Variants in LRP2 observed in about 807,000 individuals in gnomAD.
LRP2 encodes low-density lipoprotein receptor-related protein 2.
In LRP2, 172 loss-of-function variants were observed where a neutral mutation model predicts 531.0. The ratio of observed to expected loss-of-function variants is 0.32; its 90% CI spans 0.29 to 0.37. The LOEUF is 0.37. LRP2 is among the 10% of genes least tolerant of loss of function. The pLI is 1.00. For synonymous variants in LRP2, 1,992 were observed against 2,027.6 expected (o/e 0.98, Z 0.47); for missense variants, 5,167 against 5,868.3 (o/e 0.88, Z 3.90).
chr2:169,298,343 A>G (rs1349113264), intron 4 of LRP2, among the ~76,000 whole-genome samples: 5 of 152,092 alleles, frequency 3.3e-5, no homozygotes, highest in Admixed American at 2.6e-4. Flanking sequence ...GATGACTCCC[A>G]TTTTATAGAG....
chr2:169,168,212 G>A (rs1025753599), intron 61 of LRP2, among the ~76,000 whole-genome samples: 2 of 151,198 alleles, frequency 1.3e-5, no homozygotes, highest in Non-Finnish European at 1.5e-5. Flanking sequence ...AGCAGGAGAG[G>A]TACAGCCTCC....
intron 31 of LRP2, among the ~76,000 whole-genome samples, chr2:169,230,983 T>C (rs1689376824): frequency 6.6e-6 from 1 of 152,104 alleles, no homozygotes; most frequent in Admixed American, 6.6e-5. Context: ...CATTAACTAT[T>C]GGTTATAAGA....
chr2:169,291,113 T>C, intron 7 of LRP2, 116 bp from the exon 8 acceptor site: 1 of 883,534 alleles, frequency 1.1e-6, no homozygotes, highest in Non-Finnish European at 1.8e-6. Context: ...CTATAAATGA[T>C]CTACATTTTA....
In LRP2 at chr2:169,362,466, G is replaced by A; in HGVS notation, c.-67C>T. 7.3e-7 allele frequency: 1 copy of A among 1,365,344 alleles called. No individual in the cohort carries two copies. Among genetic ancestry groups the A allele is most frequent in the Non-Finnish European group, 1.0e-6 (1 of 988,530 alleles). The allele number at this position is 1,365,344 out of a possible 1,614,324, so 84.6% of individuals were successfully genotyped here. ...GTGGGCGCGCGTAGCACACCGCACC[G>A]GCAGCGCCTCTGCTAGCGAACGCTC... On this transcript the variant is annotated 5_prime_UTR_variant, in exon 1 of 79. Transcript: ENST00000649046.
At chr2:169,308,464 C>T (rs1418544991) in intron 3 of LRP2, among the ~76,000 whole-genome samples, 1 of 152,170 alleles carries the variant, frequency 6.6e-6, no homozygotes, top group Non-Finnish European at 1.5e-5. Context: ...TGAGTGAGAA[C>T]ATGCGGTGTT....
At chr2:169,342,634 C>A (rs764330619) in intron 1 of LRP2, among the ~76,000 whole-genome samples, 4 of 152,186 alleles carry the variant, frequency 2.6e-5, no homozygotes, top group Admixed American at 6.5e-5. Flanking sequence ...GCAATCTGTG[C>A]GGTCTTCCTT....
At chr2:169,313,032 A>G (rs10177361) in intron 3 of LRP2, among the ~76,000 whole-genome samples, 64,256 of 151,966 alleles carry the variant, frequency 0.42, 14,501 homozygotes, top group African/African-American at 0.59. Flanking sequence ...CGTAGTTCTC[A>G]TGCCATGGTT....
chr2:169,356,453 A>G (rs1685989420), intron 1 of LRP2, among the ~76,000 whole-genome samples: 1 of 152,222 alleles, frequency 6.6e-6, no homozygotes, highest in Non-Finnish European at 1.5e-5. Flanking sequence ...TCTATATGAG[A>G]CTTCACAGTT....
chr2:169,310,094 A>C (rs549130174), intron 3 of LRP2, among the ~76,000 whole-genome samples: 48 of 152,350 alleles, frequency 3.2e-4, no homozygotes, highest in African/African-American at 9.9e-4. Flanking sequence ...ACTTTGCTGA[A>C]GTTGCTTATC....
At chr2:169,259,412 T>C (rs570898538) in intron 16 of LRP2, among the ~76,000 whole-genome samples, 195 bp from the exon 17 acceptor site, 1 of 149,506 alleles carries the variant, frequency 6.7e-6, no homozygotes, top group East Asian at 2.0e-4. Flanking sequence ...CTAGAATCTA[T>C]CCATTCCTCA....
rs1466300637 is a variant in LRP2, at chr2:169,193,810, A to C, written c.8781T>G (p.Gly2927=). The C allele has an allele frequency of 1.2e-6, 2 of 1,614,012 alleles. No homozygotes were observed. The highest frequency in any genetic ancestry group is 1.3e-5 in the African/African-American group (1 of 74,896). The change falls in exon 47 of 79, where the codon GGT becomes GGG. Residue 2927 remains glycine, a synonymous_variant. Transcript: ENST00000649046. ...CACTCATATCCCCACAGTCATTATCACCGTCACAGATCCATTCGCTTGGGA... is the reference window on the plus strand; with the variant it reads ...CACTCATATCCCCACAGTCATTATCCCCGTCACAGATCCATTCGCTTGGGA... The part of the protein sequence containing the change: ...RCIPSEWICD[G]DNDCGDMSDE...
Position 169,172,026 on chromosome 2 carries a change from T to C in LRP2, c.11252A>G (p.Glu3751Gly). 1 of 1,614,148 alleles carries C rather than the reference T, an allele frequency of 6.2e-7. No homozygotes were observed. The highest frequency in any genetic ancestry group is 8.5e-7 in the Non-Finnish European group (1 of 1,180,020). The change falls in exon 58 of 79, where the codon GAG becomes GGG. Residue 3751 changes from glutamate (E) to glycine (G), a missense_variant. Glu to Gly is a moderately conservative substitution (Grantham distance 98). Coordinates refer to ENST00000649046, the MANE Select transcript of LRP2 (RefSeq NM_004525.3). The stretch of plus-strand genomic sequence containing the variant: ...CTGTGAACACTCACCACAGTTTTCC[T>C]CATCTGAGTTATCTCCACAGTCATT... Reference protein sequence around the residue: ...GQNDCGDNSDEENCAPRECTE... With the variant: ...GQNDCGDNSDGENCAPRECTE...
intron 1 of LRP2, among the ~76,000 whole-genome samples, chr2:169,337,791 A>G (rs1685445570): frequency 6.6e-6 from 1 of 152,154 alleles, no homozygotes; most frequent in African/African-American, 2.4e-5. Context: ...ACAGCCCAAT[A>G]TTACCAGGCT....
At chr2:169,271,355 T>G (rs1468279580) in intron 15 of LRP2, among the ~76,000 whole-genome samples, 1 of 152,058 alleles carries the variant, frequency 6.6e-6, no homozygotes, top group Non-Finnish European at 1.5e-5. Flanking sequence ...TTAAAATGTA[T>G]TTATATGAAA....
chr2:169,303,511 G>A (rs2105486158), intron 4 of LRP2, among the ~76,000 whole-genome samples: 1 of 152,216 alleles, frequency 6.6e-6, no homozygotes, highest in South Asian at 2.1e-4. Context: ...TTTAAACAAA[G>A]AAGGAAAACA....
Position 169,132,692 on chromosome 2 carries a change from G to GT in LRP2, c.13621-12dup. The GT allele has an allele frequency of 3.1e-6, 4 of 1,297,098 alleles. No individual in the cohort carries two copies. The highest frequency in any genetic ancestry group is 4.5e-6 in the Non-Finnish European group (4 of 890,664). The allele number at this position is 1,297,098 out of a possible 1,614,324, so 80.3% of individuals were successfully genotyped here. A position where few individuals can be genotyped will look rare whatever the true frequency, so the allele number is the denominator to read the frequency against. ...TTCAGATACAGTCACCTGTGGACAT[G>GT]TTAAAGGCCTTTACCCAATTTTGAA... On this transcript the variant is annotated splice_polypyrimidine_tract_variant and intron_variant, in intron 76 of 78. Coordinates refer to ENST00000649046, the MANE Select transcript of LRP2 (RefSeq NM_004525.3).
Position 169,277,770 on chromosome 2 carries a change from T to C in LRP2, c.1747A>G (p.Thr583Ala), listed in dbSNP as rs1683594452. 6.2e-7 allele frequency: 1 copy of C among 1,614,108 alleles called. No individual in the cohort carries two copies. Among genetic ancestry groups the C allele is most frequent in the Non-Finnish European group, 8.5e-7 (1 of 1,179,990 alleles). The change falls in exon 13 of 79, where the codon ACT (threonine) becomes GCT (alanine). Residue 583 changes from threonine to alanine, a missense_variant. Coordinates refer to ENST00000649046, the MANE Select transcript of LRP2 (RefSeq NM_004525.3). The part of the protein sequence containing the change: ...WVDSRFDYIE[T>A]VTYDGIQRKT... Reference sequence around the variant, plus strand: ...CTTTGAATTCCATCATAAGTTACAGTTTCAATGTAATCAAACCGAGAGTCA... The same window carrying C: ...CTTTGAATTCCATCATAAGTTACAGCTTCAATGTAATCAAACCGAGAGTCA...
intron 34 of LRP2, among the ~76,000 whole-genome samples, chr2:169,216,869 A>G (rs1688816765): frequency 6.6e-6 from 1 of 152,194 alleles, no homozygotes; most frequent in South Asian, 2.1e-4. Context: ...ACCATCTACC[A>G]CAAGACCGGC....
chr2:169,266,275 A>C (rs1254461163), intron 16 of LRP2, among the ~76,000 whole-genome samples: 1 of 152,070 alleles, frequency 6.6e-6, no homozygotes, highest in Non-Finnish European at 1.5e-5. Context: ...ATGATAAATC[A>C]AGAAATAGAA....
Sources: allele counts gnomAD v4.1 joint callset (sites outside exome capture counted in the v4.1 genomes callset), GRCh38; gene constraint gnomAD v4.1.1; transcripts MANE v1.5; gene names NCBI Gene and HGNC (gene_info 2026-07-23, HGNC 2026-07-21).